The following RERE variants were observed in gnomAD, a reference collection of about 807,000 sequenced individuals.
RERE encodes the protein arginine-glutamic acid dipeptide repeats protein.
In RERE, 40 loss-of-function variants were observed where a neutral mutation model predicts 146.1. The ratio of observed to expected loss-of-function variants is 0.27; its 90% CI spans 0.21 to 0.36. The LOEUF is 0.36. Ranked by LOEUF, RERE falls within the 10% of genes least tolerant of loss-of-function variation. The pLI, the probability that RERE is intolerant of heterozygous loss-of-function variation, is 1.00. For synonymous variants in RERE, 1,003 were observed against 866.0 expected, an observed-to-expected ratio of 1.16 and a Z score of -2.78; for missense variants, 1,933 against 2,138.7, an observed-to-expected ratio of 0.90 and a Z score of 1.90.
intron 2 of RERE, among the ~76,000 whole-genome samples, chr1:8,635,336 C>G (rs12735554): frequency 0.21 from 32,531 of 152,172 alleles, 5,035 homozygotes; most frequent in East Asian, 0.76. Context: ...GTCTGGTAAT[C>G]TGCTGTCCAC....
chr1:8,466,396 C>T (rs764635083), intron 10 of RERE, among the ~76,000 whole-genome samples: 5 of 152,054 alleles, frequency 3.3e-5, no homozygotes, highest in South Asian at 2.1e-4. Flanking sequence ...ATTTAATCTA[C>T]GGTTTAGGAG....
chr1:8,428,520 G>A (rs748286443), intron 11 of RERE: 8 of 152,102 alleles, frequency 5.3e-5, no homozygotes, highest in South Asian at 2.1e-4. Context: ...GCTGAATTTC[G>A]TATCACCATC....
intron 12 of RERE, among the ~76,000 whole-genome samples, chr1:8,384,580 G>A (rs535328318): frequency 6.6e-6 from 1 of 152,308 alleles, no homozygotes; most frequent in South Asian, 2.1e-4. Flanking sequence ...CTCCAGATAG[G>A]AGTGATGAAT....
In RERE at chr1:8,684,681, TCCA is replaced by T. The variant is rs1404389446; in HGVS notation, c.-144-28243_-144-28241del. ...CCAAGCACAATCTGATGCCTGTTAATCCACCTCTCCCTATGAGCTGTTAACCCA... is the reference window on the plus strand; with the variant it reads ...CCAAGCACAATCTGATGCCTGTTAATCCTCTCCCTATGAGCTGTTAACCCA... On this transcript the variant is annotated intron_variant, in intron 1 of 22. Coordinates refer to ENST00000400908, the MANE Select transcript of RERE (RefSeq NM_001042681.2). Among the ~76,000 whole-genome samples the T allele has an allele frequency of 2.0e-5, 3 of 152,208 alleles. No individual in the cohort carries two copies. The South Asian group carries it at 6.2e-4, about 32-fold the overall frequency.
chr1:8,816,037 AT>A (rs1439602273), intron 1 of RERE, among the ~76,000 whole-genome samples: 1 of 152,118 alleles, frequency 6.6e-6, no homozygotes, highest in Non-Finnish European at 1.5e-5. Context: ...CCCAAAGATG[AT>A]TTTATTATTG....
chr1:8,489,381 AT>A (rs1182601248), intron 10 of RERE, among the ~76,000 whole-genome samples: 5 of 151,812 alleles, frequency 3.3e-5, no homozygotes, highest in Non-Finnish European at 5.9e-5. Context: ...GGAAAAAAAA[AT>A]TTTTTTAAAA....
chr1:8,658,349 T>C (rs1305621399), intron 1 of RERE, among the ~76,000 whole-genome samples: 4 of 152,190 alleles, frequency 2.6e-5, no homozygotes, highest in Non-Finnish European at 4.4e-5. Flanking sequence ...CTGTTTCTCA[T>C]GCAACTAGGG....
chr1:8,544,155 C>T (rs1317023956), intron 6 of RERE, among the ~76,000 whole-genome samples: 1 of 152,074 alleles, frequency 6.6e-6, no homozygotes, highest in Non-Finnish European at 1.5e-5. Flanking sequence ...TTGATATATG[C>T]TATCAATAGA....
At chr1:8,714,010 T>G (rs1639717869) in intron 1 of RERE, among the ~76,000 whole-genome samples, 1 of 152,156 alleles carries the variant, frequency 6.6e-6, no homozygotes, top group African/African-American at 2.4e-5. Flanking sequence ...AATTTAAAAT[T>G]CATTTGGCTT....
In RERE at chr1:8,423,742, G is replaced by C. The variant is rs918159365; in HGVS notation, c.1204-935C>G. The C allele has an allele frequency of 1.7e-4, 160 of 965,448 alleles. No individual in the cohort carries two copies. Among genetic ancestry groups the C allele is most frequent in the Non-Finnish European group, 1.9e-4 (153 of 814,680 alleles). 59.8% of individuals were successfully genotyped at this position (965,448 alleles called of 1,614,324 possible). A position where few individuals can be genotyped will look rare whatever the true frequency, so the allele number is the denominator to read the frequency against. On this transcript the variant is annotated intron_variant, in intron 11 of 22. Coordinates refer to ENST00000400908, the MANE Select transcript of RERE (RefSeq NM_001042681.2). The surrounding 1 kb of genome is among the most constrained non-coding windows in gnomAD (Gnocchi z 5.4). Reference sequence around the variant, plus strand: ...GCGGGGCCGCGCGGCGCGGGGCCCGGGGGGCGCGGGGCTGGGGCCGCCGCT... The same window carrying C: ...GCGGGGCCGCGCGGCGCGGGGCCCGCGGGGCGCGGGGCTGGGGCCGCCGCT...
intron 4 of RERE, among the ~76,000 whole-genome samples, chr1:8,593,963 C>T (rs916001672): frequency 6.6e-6 from 1 of 152,050 alleles, no homozygotes; most frequent in Non-Finnish European, 1.5e-5. Flanking sequence ...GGCAGCACAC[C>T]CTGAAAACAC....
intron 12 of RERE, chr1:8,381,044 T>G: frequency 4.4e-6 from 2 of 456,452 alleles, no homozygotes; most frequent in African/African-American, 2.0e-5. Context: ...CGCCTTCTCC[T>G]GGTTGCTGCT....
At chr1:8,426,119 G>A (rs764178956) in intron 11 of RERE, among the ~76,000 whole-genome samples, 6 of 151,964 alleles carry the variant, frequency 3.9e-5, no homozygotes, top group Admixed American at 3.3e-4. Flanking sequence ...TCCTCTTCTC[G>A]GGTCCAATGT....
At chr1:8,794,969 C>T (rs979704194) in intron 1 of RERE, among the ~76,000 whole-genome samples, 9 of 151,988 alleles carry the variant, frequency 5.9e-5, no homozygotes, top group African/African-American at 1.7e-4. Flanking sequence ...TGCACCATCA[C>T]GCCCAGCTAA....
chr1:8,532,851 T>A (rs1430847483), intron 7 of RERE, among the ~76,000 whole-genome samples: 2 of 152,138 alleles, frequency 1.3e-5, no homozygotes, highest in Non-Finnish European at 2.9e-5. Context: ...TGCCTTGGCC[T>A]CCCAAAGTGG....
chr1:8,659,803 C>T (rs891830858), intron 1 of RERE, among the ~76,000 whole-genome samples: 2 of 152,128 alleles, frequency 1.3e-5, no homozygotes, highest in Non-Finnish European at 2.9e-5. Context: ...TTTTTCAGCA[C>T]TCAAAGAGAA....
chr1:8,364,465 G>C lies in RERE; in HGVS notation c.1541-210C>G, dbSNP rs1184684012. 6.6e-6 allele frequency among the ~76,000 whole-genome samples: 1 copy of C among 152,084 alleles called. No homozygotes were observed. Among genetic ancestry groups the C allele is most frequent in the African/African-American group, 2.4e-5 (1 of 41,406 alleles). Reference sequence around the variant, plus strand: ...GGCATCTGCTGCCCACTTCAACTTGGGGTGCCCAGGAAAAGCTGGCAGCAA... The same window carrying C: ...GGCATCTGCTGCCCACTTCAACTTGCGGTGCCCAGGAAAAGCTGGCAGCAA... On this transcript the variant is annotated intron_variant, in intron 14 of 22. Coordinates refer to ENST00000400908, the MANE Select transcript of RERE (RefSeq NM_001042681.2). This position sits in a 1 kb window ranked among gnomAD's most constrained non-coding sequence, Gnocchi z 5.1.
chr1:8,418,633 C>T (rs1198112720), intron 12 of RERE, among the ~76,000 whole-genome samples: 1 of 152,232 alleles, frequency 6.6e-6, no homozygotes, highest in African/African-American at 2.4e-5. Context: ...GTTCAAATAA[C>T]TGATATGTCC....
At chr1:8,727,147 G>T (rs1472237805) in intron 1 of RERE, among the ~76,000 whole-genome samples, 2 of 149,724 alleles carry the variant, frequency 1.3e-5, no homozygotes, top group Admixed American at 6.6e-5. Context: ...TTTTTTGGAG[G>T]GCGCGGGGTG....
Sources: gnomAD v4.1 joint callset for allele counts (sites outside exome capture counted in the v4.1 genomes callset) on GRCh38, gnomAD v4.1.1 for gene constraint, Gnocchi (gnomAD v3.1) non-coding constraint, MANE v1.5 for transcripts, NCBI Gene and HGNC (gene_info 2026-07-23, HGNC 2026-07-21) for gene names.